SPECC1: variants seen among roughly 807,000 people sequenced by gnomAD.
The protein encoded by SPECC1 is sperm antigen with calponin homology and coiled-coil domains 1, also known as cytospin-B.
In SPECC1, 62 loss-of-function variants were observed where a neutral mutation model predicts 104.1. The observed-to-expected ratio is 0.60, with a 90% CI of 0.49 to 0.74. The LOEUF is 0.74. Among genes scored for constraint, SPECC1 ranks in the 30% least tolerant of loss-of-function variants. The pLI is 0.00. For synonymous variants in SPECC1, 513 were observed against 501.6 expected (o/e 1.02, Z -0.30); for missense variants, 1,306 against 1,310.5 (o/e 1.00, Z 0.05).
intron 12 of SPECC1, among the ~76,000 whole-genome samples, chr17:20,272,604 A>T (rs2151638295): frequency 6.6e-6 from 1 of 152,288 alleles, no homozygotes; most frequent in South Asian, 2.1e-4. Context: ...TAACCACTTT[A>T]GGTACCCCAT....
intron 3 of SPECC1, among the ~76,000 whole-genome samples, chr17:20,165,163 C>T (rs907746653): frequency 2.6e-5 from 4 of 152,162 alleles, no homozygotes; most frequent in Admixed American, 2.0e-4. Context: ...TAAAGCCCCA[C>T]GTGCATTAGC....
chr17:20,159,847 G>C (rs1225816549), intron 3 of SPECC1, among the ~76,000 whole-genome samples: 1 of 152,178 alleles, frequency 6.6e-6, no homozygotes, highest in Non-Finnish European at 1.5e-5. Context: ...CTCATTGTCA[G>C]GGCTGCTGGG....
intron 1 of SPECC1, among the ~76,000 whole-genome samples, chr17:20,027,155 A>G (rs760744315): frequency 1.3e-5 from 2 of 152,074 alleles, no homozygotes; most frequent in Non-Finnish European, 2.9e-5. Flanking sequence ...TTCCCAATTT[A>G]AAAATTTATA....
At chr17:20,261,537 C>T (rs1219180099) in intron 12 of SPECC1, among the ~76,000 whole-genome samples, 1 of 151,464 alleles carries the variant, frequency 6.6e-6, no homozygotes, top group African/African-American at 2.4e-5. Context: ...ACACAAGCTC[C>T]CCGAGCAGTG....
intron 12 of SPECC1, among the ~76,000 whole-genome samples, chr17:20,293,382 ATTAT>A (rs2041237448): frequency 6.6e-6 from 1 of 152,172 alleles, no homozygotes; most frequent in South Asian, 2.1e-4. Context: ...AATGTCATGC[ATTAT>A]TTCTCTTCAT....
chr17:20,234,545 T>C (rs2038793013), intron 7 of SPECC1, among the ~76,000 whole-genome samples: 1 of 152,224 alleles, frequency 6.6e-6, no homozygotes, highest in Non-Finnish European at 1.5e-5. Flanking sequence ...TGTTTCCATC[T>C]TGACTGAATG....
chr17:20,269,896 T>C (rs750886137), intron 12 of SPECC1, among the ~76,000 whole-genome samples: 22 of 152,190 alleles, frequency 1.4e-4, no homozygotes, highest in Non-Finnish European at 2.8e-4. Context: ...GTCCTTCCCC[T>C]GATCATTGAA....
intron 1 of SPECC1, among the ~76,000 whole-genome samples, chr17:20,068,532 C>G (rs1229193967): frequency 1.3e-5 from 2 of 152,280 alleles, no homozygotes; most frequent in East Asian, 3.9e-4. Flanking sequence ...ATAATGGTAA[C>G]TGGGTGTAAC....
chr17:20,024,819 G>A (rs1427762793), intron 1 of SPECC1, among the ~76,000 whole-genome samples: 1 of 152,072 alleles, frequency 6.6e-6, no homozygotes, highest in Non-Finnish European at 1.5e-5. Flanking sequence ...AGGTAGATGG[G>A]GTCCCACTGT....
At chr17:20,217,216 G>A (rs1181566162) in intron 4 of SPECC1, among the ~76,000 whole-genome samples, 1 of 151,552 alleles carries the variant, frequency 6.6e-6, no homozygotes, top group Non-Finnish European at 1.5e-5. Context: ...TATGTAGCAA[G>A]CCCTTGTGAG....
intron 12 of SPECC1, among the ~76,000 whole-genome samples, chr17:20,264,289 A>G (rs1326247345): frequency 6.6e-6 from 1 of 151,876 alleles, no homozygotes; most frequent in Non-Finnish European, 1.5e-5. Flanking sequence ...GGTTTGTTAC[A>G]AGGGTATATT....
In SPECC1 at chr17:20,165,492, A is replaced by G. The variant is rs917804736; in HGVS notation, c.284-38841A>G. ...TTTGGATTGATTCCATGTCTTTGCT[A>G]TTGTGAAAAATGCTGCAGTGAACAT... On this transcript the variant is annotated intron_variant, in intron 3 of 14. Transcript: ENST00000395527. Among the ~76,000 whole-genome samples, 5 of 152,160 alleles carry G rather than the reference A, an allele frequency of 3.3e-5. No homozygotes were observed. The East Asian group carries it at 5.8e-4, about 18-fold the overall frequency.
intron 3 of SPECC1, among the ~76,000 whole-genome samples, chr17:20,134,149 A>G (rs1209453188): frequency 6.6e-6 from 1 of 150,660 alleles, no homozygotes; most frequent in South Asian, 2.1e-4. Context: ...TATATATTAT[A>G]TATTCCCTAT....
intron 1 of SPECC1, among the ~76,000 whole-genome samples, chr17:20,054,004 G>GATC (rs1173411785): frequency 1.3e-5 from 2 of 152,130 alleles, no homozygotes; most frequent in African/African-American, 4.8e-5. Flanking sequence ...TACAACTGGT[G>GATC]ATCAAGTCCT....
At chr17:20,195,432 C>A (rs1597940235) in intron 3 of SPECC1, among the ~76,000 whole-genome samples, 1 of 152,254 alleles carries the variant, frequency 6.6e-6, no homozygotes, top group East Asian at 1.9e-4. Flanking sequence ...ACCAATAACA[C>A]ATTTATGTAA....
Position 20,205,015 on chromosome 17 carries a change from T to C in SPECC1, c.966T>C (p.Ala322=). The change falls in exon 4 of 15, where the codon GCT becomes GCC. Residue 322 remains alanine (A), a synonymous_variant. Transcript: ENST00000395527. ...CCTCAAGTAGCGATGTTACCAAAGC[T>C]TCTTTGTCGCCAGATGCTTCCGACT... The part of the protein sequence containing the change: ...SGSSSSDVTK[A]SLSPDASDFE... 1.9e-6 allele frequency: 3 copies of C among 1,614,098 alleles called. No individual in the cohort carries two copies. Among genetic ancestry groups the C allele is most frequent in the Non-Finnish European group, 2.5e-6 (3 of 1,179,978 alleles).
intron 1 of SPECC1, among the ~76,000 whole-genome samples, chr17:20,013,197 T>G (rs1234436324): frequency 6.6e-6 from 1 of 152,214 alleles, no homozygotes; most frequent in Non-Finnish European, 1.5e-5. Context: ...GACCCTGCTT[T>G]CAGTTATTTG....
chr17:20,227,549 A>G lies in SPECC1; in HGVS notation c.2000A>G (p.Glu667Gly). The change falls in exon 5 of 15, where the codon GAA (glutamate) becomes GGA (glycine). Residue 667 changes from glutamate to glycine, a missense_variant. Glu to Gly is a moderately conservative substitution (Grantham distance 98). This residue lies in a region of SPECC1 where 1,177 missense variants were observed against 1,139.9 expected (regional missense o/e 1.03). Coordinates refer to ENST00000395527, the MANE Select transcript of SPECC1 (RefSeq NM_001243439.2). ...AAAGACATGAAAGAAACCATATTTG[A>G]ATTGGAAGATCAGGTGGAACAGCAC... is the stretch of plus-strand genomic sequence containing the variant. ...EIKDMKETIF[E>G]LEDQVEQHRA... is the part of the protein sequence containing the mutation. The G allele has an allele frequency of 6.2e-7, 1 of 1,612,608 alleles. No individual in the cohort carries two copies. Among genetic ancestry groups the G allele is most frequent in the Non-Finnish European group, 8.5e-7 (1 of 1,179,646 alleles).
intron 7 of SPECC1, among the ~76,000 whole-genome samples, chr17:20,234,477 A>G (rs2038787992): frequency 6.6e-6 from 1 of 152,150 alleles, no homozygotes; most frequent in African/African-American, 2.4e-5. Context: ...TCCAGCACCT[A>G]CCCCATGAGC....
Sources: gnomAD v4.1 joint callset for allele counts (sites outside exome capture counted in the v4.1 genomes callset) on GRCh38, gnomAD v4.1.1 for gene constraint, gnomAD v4.1.1 regional missense constraint, MANE v1.5 for transcripts, NCBI Gene and HGNC (gene_info 2026-07-23, HGNC 2026-07-21) for gene names.